Variants in POLR3A observed in about 807,000 individuals in gnomAD.
POLR3A encodes the protein DNA-directed RNA polymerase III subunit RPC1.
Under a neutral mutation model 152.8 loss-of-function variants are expected in POLR3A, and 112 were observed. The observed-to-expected ratio is 0.73, with a 90% CI of 0.63 to 0.86. The LOEUF is 0.86. POLR3A is among the 40% of genes least tolerant of loss of function. The pLI is 0.00. For synonymous variants in POLR3A, 615 were observed against 652.1 expected (o/e 0.94, Z 0.87); for missense variants, 1,385 against 1,743.1 (o/e 0.79, Z 3.66).
rs1246012237 is a variant in POLR3A, at chr10:78,004,772, G to A, written c.2191C>T (p.Leu731=). ...YKKCDEYIEA[L]NTGKLQQQPG... is the part of the protein sequence containing the mutation. ...TGCTGCTGCAGCTTGCCCGTGTTCA[G>A]GGCTTCGATGTACTCATCACATTTC... Residue 731 remains leucine (L), a synonymous_variant, in exon 16 of 31, where the codon CTG becomes TTG. Coordinates refer to ENST00000372371, the MANE Select transcript of POLR3A (RefSeq NM_007055.4). The A allele has an allele frequency of 6.2e-7, 1 of 1,613,854 alleles. No homozygotes were observed. Among genetic ancestry groups the A allele is most frequent in the African/African-American group, 1.3e-5 (1 of 74,918 alleles).
chr10:78,000,950 G>A (rs1412519611), intron 18 of POLR3A, 26 bp downstream of exon 18: 6 of 1,162,708 alleles, frequency 5.2e-6, no homozygotes, highest in Admixed American at 1.7e-5. Flanking sequence ...GATCTTCACA[G>A]TTCTACCTGA....
rs74777440 is a variant in POLR3A, at chr10:77,985,109, C to G, written c.3242+61G>C. 4,878 of 1,340,696 alleles carry G rather than the reference C, an allele frequency of 3.6e-3. 133 individuals carry two copies. The African/African-American group carries it at 0.059, about 16-fold the overall frequency. The allele number at this position is 1,340,696 out of a possible 1,614,324, so 83.0% of individuals were successfully genotyped here. ...ACACATATGCATGTGACACGGGGAT[C>G]ATTGTTTCTCAGGAAACAGGACAGG... On this transcript the variant is annotated intron_variant, in intron 24 of 30. Coordinates refer to ENST00000372371, the MANE Select transcript of POLR3A (RefSeq NM_007055.4).
intron 20 of POLR3A, among the ~76,000 whole-genome samples, chr10:77,991,786 A>G (rs935983275): frequency 2.0e-5 from 3 of 152,174 alleles, no homozygotes; most frequent in African/African-American, 7.2e-5. Flanking sequence ...CAGCCTCCCA[A>G]AGGACTAGGA....
intron 19 of POLR3A, among the ~76,000 whole-genome samples, chr10:77,999,150 G>A (rs1221591463): frequency 6.6e-6 from 1 of 152,284 alleles, no homozygotes; most frequent in East Asian, 1.9e-4. Context: ...GGGGACTGTT[G>A]TGGGGTAGGG....
At position 77,977,342 on chromosome 10, in the gene POLR3A, G is replaced by A. The variant is rs568729735; in HGVS notation, c.*136C>T. 1,553 of 876,054 alleles carry A rather than the reference G, an allele frequency of 1.8e-3. 14 individuals carry two copies. The highest frequency in any genetic ancestry group is 0.011 in the Middle Eastern group (33 of 2,938). The allele number at this position is 876,054 out of a possible 1,614,324, so 54.3% of individuals were successfully genotyped here. On this transcript the variant is annotated 3_prime_UTR_variant, in exon 31 of 31. Transcript: ENST00000372371. ...CAGAGGAGAAGCTGCTCCTGGGGAT[G>A]CCAAGAGGGCTTCTCTGATTGCTGG...
intron 30 of POLR3A, among the ~76,000 whole-genome samples, chr10:77,979,189 G>C (rs770299000): frequency 6.6e-5 from 10 of 152,180 alleles, no homozygotes; most frequent in Admixed American, 1.3e-4. Flanking sequence ...AAGAGAAACA[G>C]TTAATCTTAG....
chr10:78,017,402 G>A (rs1275491177), intron 10 of POLR3A, among the ~76,000 whole-genome samples, 173 bp downstream of exon 10: 1 of 151,648 alleles, frequency 6.6e-6, no homozygotes, highest in African/African-American at 2.4e-5. Context: ...AGCTGTGATT[G>A]TGTCACTGCA....
chr10:77,994,313 T>C (rs2131937756), intron 19 of POLR3A, among the ~76,000 whole-genome samples: 1 of 152,254 alleles, frequency 6.6e-6, no homozygotes, highest in African/African-American at 2.4e-5. Flanking sequence ...ACTGTCACAC[T>C]AATCACAGTG....
intron 19 of POLR3A, among the ~76,000 whole-genome samples, chr10:77,994,498 TA>T (rs35711002): frequency 0.018 from 2,206 of 120,736 alleles, 11 homozygotes; most frequent in Middle Eastern, 0.032. Context: ...AAACATTACT[TA>T]AAAAAAAAAA....
At chr10:78,001,139 C>T in intron 17 of POLR3A, 45 bp from the exon 18 acceptor site, 1 of 1,062,726 alleles carries the variant, frequency 9.4e-7, no homozygotes, top group Non-Finnish European at 1.5e-6. Flanking sequence ...ACCAAAATAA[C>T]ACTAATTGAA....
intron 19 of POLR3A, among the ~76,000 whole-genome samples, chr10:77,998,739 G>T (rs1421222519): frequency 6.6e-6 from 1 of 152,240 alleles, no homozygotes; most frequent in Non-Finnish European, 1.5e-5. Flanking sequence ...GGAAGTCAGT[G>T]TGGCGATTCC....
chr10:77,983,653 TATC>T (rs1307960434), intron 26 of POLR3A, among the ~76,000 whole-genome samples: 3 of 152,176 alleles, frequency 2.0e-5, no homozygotes, highest in Admixed American at 6.5e-5. Context: ...CAAGACCACT[TATC>T]ATAATACCGT....
In POLR3A at chr10:77,983,901, A is replaced by G. The variant is rs1442426505; in HGVS notation, c.3429+19T>C. ...ACTAACAGGATGACTTCCTCTCTAC[A>G]TTTAATTATGTGACTCACTTCCAGT... is the stretch of plus-strand genomic sequence containing the variant. On this transcript the variant is annotated intron_variant, in intron 26 of 30. Transcript: ENST00000372371. 1 of 1,510,044 alleles carries G rather than the reference A, an allele frequency of 6.6e-7. No homozygotes were observed. The highest frequency in any genetic ancestry group is 9.2e-7 in the Non-Finnish European group (1 of 1,085,308). The allele number at this position is 1,510,044 out of a possible 1,614,324, so 93.5% of individuals were successfully genotyped here. A position where few individuals can be genotyped will look rare whatever the true frequency, so the allele number is the denominator to read the frequency against.
At chr10:78,010,397 A>T in intron 12 of POLR3A, 74 bp downstream of exon 12, 1 of 1,151,976 alleles carries the variant, frequency 8.7e-7, no homozygotes, top group African/African-American at 1.5e-5. Context: ...TCAAGTCATC[A>T]CATGAATCAC....
At chr10:78,007,267 A>AC (rs1198961266) in intron 15 of POLR3A, among the ~76,000 whole-genome samples, 1 of 152,152 alleles carries the variant, frequency 6.6e-6, no homozygotes, top group African/African-American at 2.4e-5. Context: ...ACATCACTTG[A>AC]CTCATGGCCC....
intron 19 of POLR3A, among the ~76,000 whole-genome samples, chr10:77,994,512 AAGC>A (rs1847279890): frequency 1.3e-5 from 2 of 152,230 alleles, no homozygotes; most frequent in African/African-American, 4.8e-5. Context: ...AAAAAAAAAA[AAGC>A]AGAAGACTCA....
At position 77,999,966 on chromosome 10, in the gene POLR3A, A is replaced by G. The variant is rs1323456614; in HGVS notation, c.2616+15T>C. 6 of 1,613,668 alleles carry G rather than the reference A, an allele frequency of 3.7e-6. No individual in the cohort carries two copies. Among genetic ancestry groups the G allele is most frequent in the East Asian group, 4.5e-5 (2 of 44,884 alleles). On this transcript the variant is annotated intron_variant, in intron 19 of 30. Transcript: ENST00000372371. Reference sequence around the variant, plus strand: ...TCCTGCTCTGTTGCTAATGGCCTACATTTCTTCAGGTTACCTGCATGTATC... The same window carrying G: ...TCCTGCTCTGTTGCTAATGGCCTACGTTTCTTCAGGTTACCTGCATGTATC...
Position 78,025,100 on chromosome 10 carries a change from C to G in POLR3A, c.361G>C (p.Glu121Gln), listed in dbSNP as rs772321979. ...AGATAGTCCAGAAACTGCTTCTTCT[C>G]CTCTTGGGACAGCATGATGTGGCAG... ...TCCHIMLSQEEKKQFLDYLKR... is the reference protein window; with the variant it reads ...TCCHIMLSQEQKKQFLDYLKR... Residue 121 changes from glutamate to glutamine, a missense_variant, in exon 4 of 31, where the codon GAG (glutamate) becomes CAG (glutamine). Around this residue, in one of 7 missense-constraint regions of POLR3A, gnomAD observed 493 missense variants for 647.5 expected, o/e 0.76. Transcript: ENST00000372371. 1 of 1,614,066 alleles carries G rather than the reference C, an allele frequency of 6.2e-7. No homozygotes were observed. Among genetic ancestry groups the G allele is most frequent in the Non-Finnish European group, 8.5e-7 (1 of 1,180,038 alleles).
rs757027564 is a variant in POLR3A at position 78,025,609 on chromosome 10, C to G, written c.318+13G>C. The G allele has an allele frequency of 1.2e-6, 2 of 1,614,002 alleles. No homozygotes were observed. Among genetic ancestry groups the G allele is most frequent in the Non-Finnish European group, 1.7e-6 (2 of 1,179,870 alleles). On this transcript the variant is annotated intron_variant, in intron 3 of 30. Transcript: ENST00000372371. The stretch of plus-strand genomic sequence containing the variant: ...AGAATTTATGTCTTGGAAATCAGCA[C>G]CTGTGTGCTTACCTGTAAGATGCCT...
Sources: allele counts gnomAD v4.1 joint callset (sites outside exome capture counted in the v4.1 genomes callset), GRCh38; gene constraint gnomAD v4.1.1; regional missense constraint gnomAD v4.1.1; transcripts MANE v1.5; gene names NCBI Gene and HGNC (gene_info 2026-07-23, HGNC 2026-07-21).